The following RSRC1 variants were observed in gnomAD, a reference collection of about 807,000 sequenced individuals.
RSRC1 encodes the protein serine/Arginine-related protein 53.
Under a neutral mutation model 49.1 loss-of-function variants are expected in RSRC1, and 39 were observed. That is an observed-to-expected ratio of 0.79 (90% CI 0.61 to 1.04). The LOEUF is 1.04. Ranked by LOEUF, RSRC1 falls within the 50% of genes least tolerant of loss-of-function variation. RSRC1 has a pLI of 0.00. For missense variants in RSRC1, 388 were observed against 402.4 expected (o/e 0.96, Z 0.31); for synonymous variants, 143 against 130.8 (o/e 1.09, Z -0.63).
At chr3:158,427,690 T>A (rs1299479973) in intron 6 of RSRC1, among the ~76,000 whole-genome samples, 1 of 151,828 alleles carries the variant, frequency 6.6e-6, no homozygotes, top group Non-Finnish European at 1.5e-5. Flanking sequence ...TTCTTTTTCC[T>A]TATTCATATG....
intron 6 of RSRC1, among the ~76,000 whole-genome samples, chr3:158,406,230 A>G (rs968600335): frequency 6.6e-6 from 1 of 152,054 alleles, no homozygotes; most frequent in African/African-American, 2.4e-5. Context: ...TGTTCTCACA[A>G]TTTTTTAACT....
chr3:158,440,502 T>C (rs1736324573), intron 6 of RSRC1, among the ~76,000 whole-genome samples: 1 of 152,122 alleles, frequency 6.6e-6, no homozygotes, highest in African/African-American at 2.4e-5. Flanking sequence ...ACCAAAATTA[T>C]TGAAAATTTA....
intron 6 of RSRC1, among the ~76,000 whole-genome samples, chr3:158,402,011 G>A (rs906896841): frequency 6.6e-6 from 1 of 151,868 alleles, no homozygotes; most frequent in African/African-American, 2.4e-5. Context: ...AGAGGAAAGG[G>A]ATTTAAGGTG....
At chr3:158,359,179 G>A (rs958597356) in intron 6 of RSRC1, among the ~76,000 whole-genome samples, 2 of 151,968 alleles carry the variant, frequency 1.3e-5, no homozygotes, top group Admixed American at 6.6e-5. Context: ...CGCACCAATA[G>A]CAGTGTATAA....
At chr3:158,426,434 A>G (rs73172105) in intron 6 of RSRC1, among the ~76,000 whole-genome samples, 32,601 of 151,510 alleles carry the variant, frequency 0.22, 4,098 homozygotes, top group Non-Finnish European at 0.28. Context: ...GAGTAACTCT[A>G]GTGGTCAGTT....
At chr3:158,519,437 A>G (rs545812585) in intron 7 of RSRC1, among the ~76,000 whole-genome samples, 11 of 151,876 alleles carry the variant, frequency 7.2e-5, no homozygotes, top group Admixed American at 6.6e-4. Flanking sequence ...AGGTCTCCCT[A>G]AGGAGCTGAC....
intron 7 of RSRC1, 43 bp from the exon 8 acceptor site, chr3:158,537,049 A>G (rs1384663085): frequency 7.7e-7 from 1 of 1,295,618 alleles, no homozygotes; most frequent in Non-Finnish European, 1.1e-6. Context: ...TGTTATTAAC[A>G]TGCTTACACC....
intron 5 of RSRC1, among the ~76,000 whole-genome samples, chr3:158,344,108 A>G (rs1730414189): frequency 6.6e-6 from 1 of 152,096 alleles, no homozygotes; most frequent in South Asian, 2.1e-4. Flanking sequence ...AATATAAAAA[A>G]ATTAGCCGGG....
intron 5 of RSRC1, among the ~76,000 whole-genome samples, chr3:158,351,107 A>G (rs1730849084): frequency 6.6e-6 from 1 of 152,160 alleles, no homozygotes; most frequent in Non-Finnish European, 1.5e-5. Context: ...CAACTGAGCT[A>G]CTTTTTCTGA....
At chr3:158,357,534 C>T (rs1470718784) in intron 6 of RSRC1, among the ~76,000 whole-genome samples, 1 of 152,010 alleles carries the variant, frequency 6.6e-6, no homozygotes, top group Non-Finnish European at 1.5e-5. Flanking sequence ...GAACTTGTGG[C>T]ATAGTAGAGG....
chr3:158,481,817 A>G (rs1399056873), intron 7 of RSRC1, among the ~76,000 whole-genome samples: 1 of 152,058 alleles, frequency 6.6e-6, no homozygotes, highest in Non-Finnish European at 1.5e-5. Flanking sequence ...TATTTGGATG[A>G]ACTCCTCTGC....
intron 3 of RSRC1, among the ~76,000 whole-genome samples, chr3:158,170,986 CCAGT>C (rs1718850424): frequency 6.6e-6 from 1 of 152,016 alleles, no homozygotes; most frequent in African/African-American, 2.4e-5. Context: ...TCCTTTTTTG[CCAGT>C]GATCTGGGAA....
chr3:158,281,577 AT>A (rs1363723109), intron 4 of RSRC1, among the ~76,000 whole-genome samples: 1 of 152,108 alleles, frequency 6.6e-6, no homozygotes, highest in African/African-American at 2.4e-5. Flanking sequence ...TTGAAGAGCC[AT>A]TTTTTTGAGA....
chr3:158,476,480 AC>A (rs748688464), intron 7 of RSRC1, among the ~76,000 whole-genome samples: 1 of 152,124 alleles, frequency 6.6e-6, no homozygotes, highest in Non-Finnish European at 1.5e-5. Context: ...GCAGCTGGTG[AC>A]TTTAAGTTTG....
intron 6 of RSRC1, among the ~76,000 whole-genome samples, chr3:158,413,117 AGTGTGGT>A (rs1734548649): frequency 6.6e-6 from 1 of 152,202 alleles, no homozygotes; most frequent in East Asian, 1.9e-4. Context: ...TAGCCAAAAC[AGTGTGGT>A]ACTGGTACAA....
intron 6 of RSRC1, among the ~76,000 whole-genome samples, chr3:158,416,956 T>A (rs1734767817): frequency 6.6e-6 from 1 of 152,044 alleles, no homozygotes; most frequent in South Asian, 2.1e-4. Context: ...CAGAAGAATT[T>A]CATCACTTCT....
intron 5 of RSRC1, among the ~76,000 whole-genome samples, chr3:158,333,925 G>A (rs73170303): frequency 0.22 from 33,419 of 152,050 alleles, 4,281 homozygotes; most frequent in Non-Finnish European, 0.29. Context: ...GAGAATGGGT[G>A]TCTTACAAAT....
At chr3:158,154,705 C>T (rs148182746) in intron 3 of RSRC1, among the ~76,000 whole-genome samples, 2,522 of 152,208 alleles carry the variant, frequency 0.017, 30 homozygotes, top group Middle Eastern at 0.072. Context: ...CCTCATGATC[C>T]GCCCACCTCT....
intron 3 of RSRC1, among the ~76,000 whole-genome samples, chr3:158,171,720 CAGG>C (rs1218585378): frequency 6.6e-6 from 1 of 152,012 alleles, no homozygotes; most frequent in East Asian, 1.9e-4. Context: ...GAGGCTCAGG[CAGG>C]AGGATTGCTT....
Sources: gnomAD v4.1 joint callset for allele counts (sites outside exome capture counted in the v4.1 genomes callset) on GRCh38, gnomAD v4.1.1 for gene constraint, MANE v1.5 for transcripts, NCBI Gene and HGNC (gene_info 2026-07-23, HGNC 2026-07-21) for gene names.